NSUN3: variants seen among roughly 807,000 people sequenced by gnomAD.
The protein encoded by NSUN3 is tRNA (cytosine(34)-C(5))-methyltransferase, mitochondrial.
A neutral mutation model predicts 36.8 loss-of-function variants in NSUN3; 24 were observed. The ratio of observed to expected loss-of-function variants is 0.65; its 90% CI spans 0.47 to 0.92. The LOEUF is 0.92. Among genes scored for constraint, NSUN3 ranks in the 40% least tolerant of loss-of-function variants. The pLI, the probability that NSUN3 is intolerant of heterozygous loss-of-function variation, is 0.00. For synonymous variants in NSUN3, 146 were observed against 145.2 expected, an observed-to-expected ratio of 1.01 and a Z score of -0.04; for missense variants, 381 against 392.8, an observed-to-expected ratio of 0.97 and a Z score of 0.25.
chr3:94,126,494 G>T lies in NSUN3; in HGVS notation c.*4G>T. On this transcript the variant is annotated 3_prime_UTR_variant, in exon 6 of 6. Coordinates refer to ENST00000314622, the MANE Select transcript of NSUN3 (RefSeq NM_022072.5). ...ATGGAGCACAGGAAAATGGTGACATGAATTTGTAAACTGTGTTTATGTGTT... is the reference window on the plus strand; with the variant it reads ...ATGGAGCACAGGAAAATGGTGACATTAATTTGTAAACTGTGTTTATGTGTT... 6.2e-7 allele frequency: 1 copy of T among 1,602,596 alleles called. No individual in the cohort carries two copies. The highest frequency in any genetic ancestry group is 8.5e-7 in the Non-Finnish European group (1 of 1,171,066).
intron 5 of NSUN3, among the ~76,000 whole-genome samples, chr3:94,115,313 T>G (rs1402752156): frequency 6.6e-6 from 1 of 152,216 alleles, no homozygotes; most frequent in Non-Finnish European, 1.5e-5. Flanking sequence ...TTAAAAAATG[T>G]ATAATGCTAG....
intron 5 of NSUN3, among the ~76,000 whole-genome samples, chr3:94,114,395 T>C (rs1046581771): frequency 3.9e-5 from 6 of 152,170 alleles, no homozygotes; most frequent in African/African-American, 1.4e-4. Context: ...CTATTTACCT[T>C]GTACATCTCA....
chr3:94,094,914 G>T, intron 4 of NSUN3, 119 bp from the exon 5 acceptor site: 2 of 1,033,424 alleles, frequency 1.9e-6, no homozygotes, highest in East Asian at 4.9e-5. Flanking sequence ...AGTTAAAAAA[G>T]AAATGTTTTT....
At position 94,130,456 on chromosome 3, in the gene NSUN3, CA is replaced by C. The variant is rs2077505196; in HGVS notation, c.*3971del. On this transcript the variant is annotated 3_prime_UTR_variant, in exon 6 of 6. Transcript: ENST00000314622. ...TGCATCCTTAGAAAACTGAAAATAACAAAAACCCAGGACATTTTTGGAAATT... is the reference window on the plus strand; with the variant it reads ...TGCATCCTTAGAAAACTGAAAATAACAAAACCCAGGACATTTTTGGAAATT... Among the ~76,000 whole-genome samples the C allele has an allele frequency of 6.6e-6, 1 of 152,144 alleles. No homozygotes were observed. The highest frequency in any genetic ancestry group is 2.1e-4 in the South Asian group (1 of 4,830).
intron 2 of NSUN3, among the ~76,000 whole-genome samples, chr3:94,066,452 G>A (rs990002903): frequency 1.3e-5 from 2 of 152,242 alleles, no homozygotes; most frequent in Admixed American, 1.3e-4. Context: ...TCCAGGGAAA[G>A]TCAAGTGCTC....
intron 3 of NSUN3, 92 bp downstream of exon 3, chr3:94,084,542 T>A: frequency 2.0e-6 from 2 of 976,888 alleles, no homozygotes; most frequent in Non-Finnish European, 2.9e-6. Context: ...AACGTAAGAC[T>A]GAGTTTGCAA....
At chr3:94,075,667 G>C (rs1052889193) in intron 2 of NSUN3, among the ~76,000 whole-genome samples, 4 of 152,024 alleles carry the variant, frequency 2.6e-5, no homozygotes, top group Admixed American at 6.6e-5. Context: ...TTTAGACCAG[G>C]GTTTGTTACT....
At chr3:94,096,807 T>G (rs554470352) in intron 5 of NSUN3, among the ~76,000 whole-genome samples, 1 of 152,172 alleles carries the variant, frequency 6.6e-6, no homozygotes, top group Non-Finnish European at 1.5e-5. Flanking sequence ...AGCCTCAGTT[T>G]CTTAATTATT....
Position 94,084,373 on chromosome 3 carries a change from G to C in NSUN3, c.389G>C (p.Arg130Thr). The change falls in exon 3 of 6, where the codon AGG becomes ACG. Residue 130 changes from arginine (R) to threonine (T), a missense_variant. Coordinates refer to ENST00000314622, the MANE Select transcript of NSUN3 (RefSeq NM_022072.5). ...CTCCCAGTGTTGGCTCTGGAATTAA[G>C]GGATGGGGAGAAGGTTCTGGATCTC... is the stretch of plus-strand genomic sequence containing the variant. ...SLLPVLALEL[R>T]DGEKVLDLCA... 1 of 1,614,162 alleles carries C rather than the reference G, an allele frequency of 6.2e-7. No homozygotes were observed. Among genetic ancestry groups the C allele is most frequent in the Non-Finnish European group, 8.5e-7 (1 of 1,180,016 alleles).
At chr3:94,116,947 T>G (rs751070673) in intron 5 of NSUN3, among the ~76,000 whole-genome samples, 1 of 151,636 alleles carries the variant, frequency 6.6e-6, no homozygotes, top group Non-Finnish European at 1.5e-5. Context: ...CTTACATGAG[T>G]TTAGGTCAGA....
chr3:94,100,238 G>T (rs1054124291), intron 5 of NSUN3, among the ~76,000 whole-genome samples: 4 of 152,190 alleles, frequency 2.6e-5, no homozygotes, highest in Non-Finnish European at 5.9e-5. Context: ...TATGTACATT[G>T]TCTGTTGACA....
At chr3:94,124,904 A>G (rs2107275951) in intron 5 of NSUN3, among the ~76,000 whole-genome samples, 1 of 152,106 alleles carries the variant, frequency 6.6e-6, no homozygotes, top group East Asian at 1.9e-4. Context: ...AATAATAATG[A>G]GTGTCTTATC....
intron 2 of NSUN3, among the ~76,000 whole-genome samples, chr3:94,079,662 T>C (rs2107243293): frequency 6.6e-6 from 1 of 152,222 alleles, no homozygotes; most frequent in East Asian, 1.9e-4. Context: ...TCTTCTCACT[T>C]TATTTCATTA....
chr3:94,070,378 T>G (rs1156647664), intron 2 of NSUN3, among the ~76,000 whole-genome samples: 1 of 152,058 alleles, frequency 6.6e-6, no homozygotes, highest in African/African-American at 2.4e-5. Context: ...GGAGGATCGC[T>G]TGAGTCCAGG....
At chr3:94,112,107 C>G (rs1683963789) in intron 5 of NSUN3, among the ~76,000 whole-genome samples, 1 of 152,132 alleles carries the variant, frequency 6.6e-6, no homozygotes, top group Non-Finnish European at 1.5e-5. Context: ...GGAGGTCAGT[C>G]TTTTGTTCTA....
At position 94,119,643 on chromosome 3, in the gene NSUN3, C is replaced by G. The variant is rs192764571; in HGVS notation, c.744-6568C>G. On this transcript the variant is annotated intron_variant, in intron 5 of 5. Coordinates refer to ENST00000314622, the MANE Select transcript of NSUN3 (RefSeq NM_022072.5). The stretch of plus-strand genomic sequence containing the variant: ...CTCTGATCTATAGCATAAGATAATT[C>G]TCAGAGTAGAAAAATCTTAGCTATA... Among the ~76,000 whole-genome samples, 5 of 152,330 alleles carry G rather than the reference C, an allele frequency of 3.3e-5. No homozygotes were observed. The East Asian group carries it at 9.6e-4, about 29-fold the overall frequency.
intron 5 of NSUN3, among the ~76,000 whole-genome samples, chr3:94,121,190 G>A (rs1347778304): frequency 6.6e-6 from 1 of 152,132 alleles, no homozygotes; most frequent in Non-Finnish European, 1.5e-5. Context: ...TGGCAGAGAT[G>A]TGTTCCTCCT....
At chr3:94,079,106 C>T (rs977744678) in intron 2 of NSUN3, among the ~76,000 whole-genome samples, 5 of 152,142 alleles carry the variant, frequency 3.3e-5, no homozygotes, top group Non-Finnish European at 4.4e-5. Context: ...TTCAGGAGCT[C>T]TTGTAAGGCA....
chr3:94,084,385 A>T lies in NSUN3; in HGVS notation c.401A>T (p.Lys134Met). 6.2e-7 allele frequency: 1 copy of T among 1,614,160 alleles called. No individual in the cohort carries two copies. Among genetic ancestry groups the T allele is most frequent in the Non-Finnish European group, 8.5e-7 (1 of 1,180,012 alleles). Reference sequence around the variant, plus strand: ...GCTCTGGAATTAAGGGATGGGGAGAAGGTTCTGGATCTCTGTGCTGCTCCT... The same window carrying T: ...GCTCTGGAATTAAGGGATGGGGAGATGGTTCTGGATCTCTGTGCTGCTCCT... ...VLALELRDGEKVLDLCAAPGG... is the reference protein window; with the variant it reads ...VLALELRDGEMVLDLCAAPGG... Residue 134 changes from lysine to methionine, a missense_variant, in exon 3 of 6, where the codon AAG becomes ATG. Transcript: ENST00000314622.
Sources: gnomAD v4.1 joint callset for allele counts (sites outside exome capture counted in the v4.1 genomes callset) on GRCh38, gnomAD v4.1.1 for gene constraint, MANE v1.5 for transcripts, NCBI Gene and HGNC (gene_info 2026-07-23, HGNC 2026-07-21) for gene names.